C8orf34: variants seen among roughly 807,000 people sequenced by gnomAD.
C8orf34 encodes uncharacterized protein C8orf34.
A neutral mutation model predicts 68.3 loss-of-function variants in C8orf34; 65 were observed. That is an observed-to-expected ratio of 0.95 (90% CI 0.78 to 1.17). C8orf34 has a LOEUF of 1.17. C8orf34 is among the 50% of genes most tolerant of loss of function. C8orf34 has a pLI of 0.00. For synonymous variants in C8orf34, 244 were observed against 241.2 expected (o/e 1.01, Z -0.11); for missense variants, 664 against 655.4 (o/e 1.01, Z -0.14).
chr8:68,800,948 C>A (rs1250946379), intron 12 of C8orf34, among the ~76,000 whole-genome samples: 3 of 152,108 alleles, frequency 2.0e-5, no homozygotes, highest in South Asian at 2.1e-4. Context: ...AATGCATATG[C>A]AGAGGAGGGA....
At chr8:68,407,714 T>C (rs1489720849) in intron 1 of C8orf34, among the ~76,000 whole-genome samples, 2 of 152,164 alleles carry the variant, frequency 1.3e-5, no homozygotes, top group Non-Finnish European at 2.9e-5. Flanking sequence ...GCCTTTTGTA[T>C]CTCACTAACA....
At chr8:68,557,802 T>C (rs1010145913) in intron 7 of C8orf34, among the ~76,000 whole-genome samples, 2 of 152,216 alleles carry the variant, frequency 1.3e-5, no homozygotes, top group African/African-American at 4.8e-5. Context: ...ATAACAAAGA[T>C]GTTTTTCTAT....
intron 7 of C8orf34, among the ~76,000 whole-genome samples, chr8:68,611,555 T>C (rs1818024580): frequency 6.6e-6 from 1 of 152,138 alleles, no homozygotes; most frequent in Non-Finnish European, 1.5e-5. Context: ...ATTATTTAAG[T>C]CAGATAGGAA....
intron 1 of C8orf34, among the ~76,000 whole-genome samples, chr8:68,415,672 A>G (rs1219229101): frequency 6.6e-6 from 1 of 152,184 alleles, no homozygotes; most frequent in Non-Finnish European, 1.5e-5. Context: ...AGCCATTCAT[A>G]TTAAAATATT....
chr8:68,662,742 A>G (rs1277098530), intron 8 of C8orf34, among the ~76,000 whole-genome samples: 4 of 152,232 alleles, frequency 2.6e-5, no homozygotes, highest in Non-Finnish European at 2.9e-5. Flanking sequence ...TTAGACAGAT[A>G]AGGGAACTTC....
chr8:68,809,432 T>C (rs1336883841), intron 12 of C8orf34, among the ~76,000 whole-genome samples: 1 of 152,158 alleles, frequency 6.6e-6, no homozygotes, highest in East Asian at 1.9e-4. Flanking sequence ...GATGAGTTCA[T>C]AGGTGATATA....
At chr8:68,679,927 A>G (rs1820316205) in intron 8 of C8orf34, among the ~76,000 whole-genome samples, 1 of 152,190 alleles carries the variant, frequency 6.6e-6, no homozygotes, top group African/African-American at 2.4e-5. Flanking sequence ...ACAAAAATCA[A>G]ATCAAAATGA....
chr8:68,795,472 T>C (rs1268061530), intron 12 of C8orf34, among the ~76,000 whole-genome samples: 1 of 152,178 alleles, frequency 6.6e-6, no homozygotes, highest in Non-Finnish European at 1.5e-5. Context: ...CTAGGGTTTG[T>C]TATTGCTGCT....
intron 12 of C8orf34, among the ~76,000 whole-genome samples, chr8:68,808,366 T>G (rs997174211): frequency 2.0e-5 from 3 of 152,128 alleles, no homozygotes; most frequent in Non-Finnish European, 4.4e-5. Context: ...GGAAAATATT[T>G]ACTTTCTAAT....
chr8:68,489,952 G>T (rs919478254), intron 5 of C8orf34, among the ~76,000 whole-genome samples: 2 of 152,130 alleles, frequency 1.3e-5, no homozygotes, highest in East Asian at 1.9e-4. Flanking sequence ...TAATATTTTA[G>T]AATTAGTTTC....
intron 1 of C8orf34, among the ~76,000 whole-genome samples, chr8:68,341,563 T>C (rs1054457466): frequency 2.6e-5 from 4 of 152,100 alleles, no homozygotes; most frequent in African/African-American, 9.7e-5. Context: ...GTGTTGAAGG[T>C]GGGGCCTGGT....
At chr8:68,375,830 G>T (rs1205555242) in intron 1 of C8orf34, among the ~76,000 whole-genome samples, 1 of 152,178 alleles carries the variant, frequency 6.6e-6, no homozygotes, top group African/African-American at 2.4e-5. Flanking sequence ...AGTATGATTA[G>T]ACTTGAAGAC....
Position 68,452,891 on chromosome 8 carries a change from G to C in C8orf34, c.607+6431G>C, listed in dbSNP as rs138777964. On this transcript the variant is annotated intron_variant, in intron 3 of 13. Coordinates refer to ENST00000518698, the MANE Select transcript of C8orf34 (RefSeq NM_052958.4). The stretch of plus-strand genomic sequence containing the variant: ...TCTATAATTTCTTCTAAGAGTTATA[G>C]TTTATGCTCTTACATGTGGGTAGTT... 2.0e-3 allele frequency among the ~76,000 whole-genome samples: 297 copies of C among 151,518 alleles called. 1 individual carries two copies. The highest frequency in any genetic ancestry group is 7.0e-3 in the African/African-American group (288 of 41,350).
chr8:68,336,504 T>C lies in C8orf34; in HGVS notation c.327+5165T>C, dbSNP rs572395427. On this transcript the variant is annotated intron_variant, in intron 1 of 13. Coordinates refer to ENST00000518698, the MANE Select transcript of C8orf34 (RefSeq NM_052958.4). ...GAAAGCTAGAATGAACCTTGTTGTG[T>C]TGGATTGAAATTGGAGGTGTTGGTG... Among the ~76,000 whole-genome samples, 115 of 152,304 alleles carry C rather than the reference T, an allele frequency of 7.6e-4. 1 individual carries two copies. The highest frequency in any genetic ancestry group is 2.6e-3 in the African/African-American group (109 of 41,584).
At chr8:68,649,640 G>A (rs1461111591) in intron 8 of C8orf34, among the ~76,000 whole-genome samples, 1 of 152,170 alleles carries the variant, frequency 6.6e-6, no homozygotes, top group African/African-American at 2.4e-5. Flanking sequence ...TCTTTTGCTT[G>A]TAAATCAATG....
intron 12 of C8orf34, among the ~76,000 whole-genome samples, chr8:68,805,764 G>A (rs1323550554): frequency 6.6e-6 from 1 of 152,074 alleles, no homozygotes; most frequent in Non-Finnish European, 1.5e-5. Flanking sequence ...TAGGCTATTT[G>A]TTTAATCAAT....
chr8:68,777,863 T>C (rs1823566423), intron 11 of C8orf34, among the ~76,000 whole-genome samples: 1 of 152,198 alleles, frequency 6.6e-6, no homozygotes, highest in Non-Finnish European at 1.5e-5. Flanking sequence ...TTGTCTGAAA[T>C]AAAATATATA....
At chr8:68,457,214 C>T (rs1811590592) in intron 3 of C8orf34, among the ~76,000 whole-genome samples, 2 of 151,800 alleles carry the variant, frequency 1.3e-5, no homozygotes, top group Admixed American at 1.3e-4. Flanking sequence ...TATAGACTGT[C>T]ATTGAGAGTA....
intron 7 of C8orf34, among the ~76,000 whole-genome samples, chr8:68,615,496 T>C (rs905168079): frequency 3.3e-5 from 5 of 152,206 alleles, no homozygotes; most frequent in African/African-American, 9.7e-5. Flanking sequence ...GTTTTTAGCA[T>C]GAAGGGTTGC....
Sources: allele counts gnomAD v4.1 joint callset (sites outside exome capture counted in the v4.1 genomes callset), GRCh38; gene constraint gnomAD v4.1.1; transcripts MANE v1.5; gene names NCBI Gene and HGNC (gene_info 2026-07-23, HGNC 2026-07-21).